The following KHDRBS2 variants were observed in gnomAD, a reference collection of about 807,000 sequenced individuals.
KHDRBS2 encodes KH RNA binding domain containing, signal transduction associated 2.
A neutral mutation model predicts 44.3 loss-of-function variants in KHDRBS2; 26 were observed. That is an observed-to-expected ratio of 0.59 (90% CI 0.43 to 0.81). KHDRBS2 has a LOEUF of 0.81. Among genes scored for constraint, KHDRBS2 ranks in the 40% least tolerant of loss-of-function variants. The pLI is 0.00. For synonymous variants in KHDRBS2, 194 were observed against 151.1 expected (o/e 1.28, Z -2.08); for missense variants, 476 against 433.1 (o/e 1.10, Z -0.88).
At chr6:62,238,247 T>C (rs1834024378) in intron 1 of KHDRBS2, among the ~76,000 whole-genome samples, 2 of 152,106 alleles carry the variant, frequency 1.3e-5, no homozygotes, top group African/African-American at 4.8e-5. Flanking sequence ...GTGTACAGGG[T>C]TGTCATTTAG....
At chr6:61,641,767 G>T in the KHDRBS2 span, among the ~76,000 whole-genome samples, 4 of 152,236 alleles carry the variant, frequency 2.6e-5, no homozygotes, top group Non-Finnish European at 5.9e-5. Context: ...GTAGACATTG[G>T]TTAAAGGGCT....
At chr6:61,543,824 T>C in the KHDRBS2 span, among the ~76,000 whole-genome samples, 41 of 152,214 alleles carry the variant, frequency 2.7e-4, no homozygotes, top group African/African-American at 9.1e-4. Context: ...CTGGAGGTCA[T>C]TTTGTTAAGT....
chr6:61,774,828 G>A (rs1027660780), intron 6 of KHDRBS2, among the ~76,000 whole-genome samples: 1 of 152,000 alleles, frequency 6.6e-6, no homozygotes, highest in Non-Finnish European at 1.5e-5. Context: ...GCCTGGCAGA[G>A]ACACAACCAA....
the KHDRBS2 span, among the ~76,000 whole-genome samples, chr6:61,593,878 G>A: frequency 6.6e-6 from 1 of 152,094 alleles, no homozygotes; most frequent in Admixed American, 6.6e-5. Flanking sequence ...AAAGTATCAG[G>A]TTAATCTTTC....
Position 62,286,038 on chromosome 6 carries a change from G to A in KHDRBS2, c.-90C>T. The A allele has an allele frequency of 5.2e-6, 4 of 772,486 alleles. No individual in the cohort carries two copies. The East Asian group carries it at 1.1e-4, about 21-fold the overall frequency. 47.9% of individuals were successfully genotyped at this position (772,486 alleles called of 1,614,324 possible). ...TCTTGGGGCAGCGCCTGGCTCCCGC[G>A]CTGCTCCTCCTCCGCGCGGCGAGGG... On this transcript the variant is annotated 5_prime_UTR_variant, in exon 1 of 9. Coordinates refer to ENST00000281156, the MANE Select transcript of KHDRBS2 (RefSeq NM_152688.4).
intron 2 of KHDRBS2, among the ~76,000 whole-genome samples, chr6:62,077,086 A>G (rs1796494668): frequency 6.6e-6 from 1 of 152,160 alleles, no homozygotes; most frequent in Middle Eastern, 3.4e-3. Context: ...TTACTCCAAG[A>G]TCTTGCAGAA....
At chr6:62,116,906 C>T (rs208998) in intron 2 of KHDRBS2, among the ~76,000 whole-genome samples, 27,614 of 151,954 alleles carry the variant, frequency 0.18, 2,988 homozygotes, top group African/African-American at 0.31. Context: ...AATATAATGA[C>T]CTCCAGTGAT....
At chr6:61,956,869 C>T (rs1330512269) in intron 4 of KHDRBS2, among the ~76,000 whole-genome samples, 2 of 151,520 alleles carry the variant, frequency 1.3e-5, no homozygotes, top group African/African-American at 2.4e-5. Context: ...TAGAATAGCA[C>T]CTTATGCATA....
intron 4 of KHDRBS2, among the ~76,000 whole-genome samples, chr6:61,941,401 C>G (rs542408873): frequency 6.6e-6 from 1 of 152,114 alleles, no homozygotes; most frequent in Non-Finnish European, 1.5e-5. Context: ...CCCACCCACC[C>G]GCTACATTAC....
intron 2 of KHDRBS2, among the ~76,000 whole-genome samples, chr6:62,111,183 G>T (rs939231511): frequency 3.9e-5 from 6 of 151,988 alleles, no homozygotes; most frequent in Non-Finnish European, 7.4e-5. Context: ...CACATACCTT[G>T]AATTCACAGA....
intron 2 of KHDRBS2, among the ~76,000 whole-genome samples, chr6:62,087,587 AAAAC>A (rs1562825849): frequency 1.3e-5 from 2 of 152,148 alleles, no homozygotes; most frequent in African/African-American, 4.8e-5. Flanking sequence ...CCCTGAGAAG[AAAAC>A]AAACCCGACC....
At chr6:61,976,085 A>G (rs915620558) in intron 4 of KHDRBS2, among the ~76,000 whole-genome samples, 3 of 152,198 alleles carry the variant, frequency 2.0e-5, no homozygotes, top group African/African-American at 7.2e-5. Context: ...CAGCCATGGT[A>G]ATATTTTCAT....
chr6:61,917,067 C>A, intron 4 of KHDRBS2, among the ~76,000 whole-genome samples: 1 of 144,638 alleles, frequency 6.9e-6, no homozygotes, highest in Non-Finnish European at 1.5e-5. Context: ...CATACTCTTA[C>A]CATATGATCC....
intron 3 of KHDRBS2, among the ~76,000 whole-genome samples, chr6:62,024,365 T>C (rs1782907694): frequency 6.6e-6 from 1 of 151,582 alleles, no homozygotes; most frequent in South Asian, 2.1e-4. Context: ...TCAAAATTTT[T>C]TTGTAACATT....
chr6:62,166,135 T>C (rs138066745), intron 2 of KHDRBS2, among the ~76,000 whole-genome samples: 5 of 152,182 alleles, frequency 3.3e-5, no homozygotes, highest in South Asian at 2.1e-4. Context: ...TGTAATAGAA[T>C]GTAATGAAAT....
the KHDRBS2 span, among the ~76,000 whole-genome samples, chr6:61,664,973 A>G: frequency 2.0e-5 from 3 of 151,686 alleles, no homozygotes; most frequent in East Asian, 3.9e-4. Context: ...GGATATTAAC[A>G]CAATTTATTT....
the KHDRBS2 span, among the ~76,000 whole-genome samples, chr6:61,544,304 T>G: frequency 6.6e-6 from 1 of 152,046 alleles, no homozygotes; most frequent in African/African-American, 2.4e-5. Flanking sequence ...ACTAGTAGCT[T>G]CAAATTAACT....
chr6:61,781,972 G>A (rs186841308), intron 6 of KHDRBS2, among the ~76,000 whole-genome samples: 67 of 152,258 alleles, frequency 4.4e-4, no homozygotes, highest in African/African-American at 1.6e-3. Context: ...TGTTGGGAAG[G>A]GGACACCTTT....
chr6:62,255,519 CTCACAGTTCA>C (rs150943601), intron 1 of KHDRBS2, among the ~76,000 whole-genome samples: 26,149 of 151,392 alleles, frequency 0.17, 2,504 homozygotes, highest in African/African-American at 0.27. Context: ...GAGTCGAACT[CTCACAGTTCA>C]AAGGAAGTAA....
Sources: allele counts gnomAD v4.1 joint callset (sites outside exome capture counted in the v4.1 genomes callset), GRCh38; gene constraint gnomAD v4.1.1; transcripts MANE v1.5; gene names NCBI Gene and HGNC (gene_info 2026-07-23, HGNC 2026-07-21).